The following BRINP3 variants were observed in gnomAD, a reference collection of about 807,000 sequenced individuals.
The protein encoded by BRINP3 is BMP/retinoic acid inducible neural specific 3.
A neutral mutation model predicts 71.0 loss-of-function variants in BRINP3; 19 were observed. The ratio of observed to expected loss-of-function variants is 0.27; its 90% CI spans 0.19 to 0.39. The LOEUF (loss-of-function observed/expected upper bound fraction) is 0.39, where lower values mean the gene tolerates loss of function less well. Among genes scored for constraint, BRINP3 ranks in the 10% least tolerant of loss-of-function variants. The probability of loss-of-function intolerance (pLI) is 1.00; values close to 1 mark genes in which losing one functional copy is unlikely to be tolerated. For synonymous variants in BRINP3, 380 were observed against 337.7 expected (o/e 1.13, Z -1.37); for missense variants, 959 against 940.8 (o/e 1.02, Z -0.25).
intron 7 of BRINP3, among the ~76,000 whole-genome samples, chr1:190,101,474 T>G (rs1441952468): frequency 6.6e-6 from 1 of 152,156 alleles, no homozygotes; most frequent in Non-Finnish European, 1.5e-5. Flanking sequence ...ATACTACAGA[T>G]TCATCATTTA....
At chr1:190,221,046 T>C (rs941871564) in intron 6 of BRINP3, among the ~76,000 whole-genome samples, 1 of 152,046 alleles carries the variant, frequency 6.6e-6, no homozygotes, top group Non-Finnish European at 1.5e-5. Context: ...GGTGAAACCC[T>C]GTCTCTACTA....
At chr1:190,323,581 C>G (rs1666387794) in intron 2 of BRINP3, among the ~76,000 whole-genome samples, 1 of 148,384 alleles carries the variant, frequency 6.7e-6, no homozygotes, top group South Asian at 2.1e-4. Flanking sequence ...ACCTCAGAAA[C>G]ATGCTTAAGA....
chr1:190,285,753 A>T (rs1558146360), intron 2 of BRINP3, among the ~76,000 whole-genome samples: 1 of 151,966 alleles, frequency 6.6e-6, no homozygotes. Context: ...CCTGAAGACA[A>T]GATTCACCTC....
intron 2 of BRINP3, among the ~76,000 whole-genome samples, chr1:190,309,187 A>C (rs1221414307): frequency 1.0e-5 from 1 of 100,208 alleles, no homozygotes; most frequent in Non-Finnish European, 2.2e-5. Context: ...ATAAGTCCAC[A>C]ATAAAAAAAA....
At chr1:190,294,645 T>A (rs781307557) in intron 2 of BRINP3, among the ~76,000 whole-genome samples, 22 of 152,236 alleles carry the variant, frequency 1.4e-4, no homozygotes, top group Middle Eastern at 3.4e-3. Flanking sequence ...TTTTGTTAGG[T>A]TATATTTCCT....
chr1:190,253,894 T>C (rs532478893), intron 4 of BRINP3, among the ~76,000 whole-genome samples: 3 of 152,302 alleles, frequency 2.0e-5, no homozygotes, highest in Middle Eastern at 3.4e-3. Context: ...GTTTCTATGG[T>C]TTTAGGTCTA....
At position 190,236,429 on chromosome 1, in the gene BRINP3, G is replaced by A. The variant is rs573172893; in HGVS notation, c.619-1952C>T. ...ATTTGGAAGTCATCAACTTAGAGGC[G>A]ACAATCAATGATGGATACAGACACA... On this transcript the variant is annotated intron_variant, in intron 4 of 7. Transcript: ENST00000367462. Among the ~76,000 whole-genome samples, 64 of 151,914 alleles carry A rather than the reference G, an allele frequency of 4.2e-4. 1 individual carries two copies. Among genetic ancestry groups the A allele is most frequent in the Admixed American group, 4.6e-4 (7 of 15,222 alleles).
chr1:190,417,027 C>T (rs1558267900), intron 2 of BRINP3, among the ~76,000 whole-genome samples: 1 of 152,220 alleles, frequency 6.6e-6, no homozygotes, highest in African/African-American at 2.4e-5. Flanking sequence ...ACTTCAGAAA[C>T]TAAAATTAGT....
chr1:190,238,861 A>G, intron 4 of BRINP3, among the ~76,000 whole-genome samples: 1 of 152,130 alleles, frequency 6.6e-6, no homozygotes, highest in East Asian at 1.9e-4. Flanking sequence ...ACAGAAGGAT[A>G]TTACATTAGT....
intron 2 of BRINP3, among the ~76,000 whole-genome samples, chr1:190,433,124 G>T (rs1288079545): frequency 6.6e-6 from 1 of 152,088 alleles, no homozygotes; most frequent in East Asian, 1.9e-4. Flanking sequence ...GAAGTTTTTA[G>T]TTTTGTTTTA....
intron 6 of BRINP3, among the ~76,000 whole-genome samples, chr1:190,211,255 G>A (rs955814329): frequency 1.3e-5 from 2 of 152,084 alleles, no homozygotes; most frequent in Non-Finnish European, 2.9e-5. Flanking sequence ...GACAGAGCAA[G>A]ACTCCATCTC....
intron 3 of BRINP3, among the ~76,000 whole-genome samples, chr1:190,275,893 G>T (rs1221049536): frequency 2.0e-5 from 3 of 151,114 alleles, no homozygotes; most frequent in Non-Finnish European, 4.4e-5. Context: ...ATTAAAAAAA[G>T]ATTAACAATA....
Position 190,264,916 on chromosome 1 carries a change from G to A in BRINP3, c.567C>T (p.Asp189=). ...QLAASYFIDR[D]STLRRLHHIQ... ...TGTGGTGAAGTCTCCGAAGGGTGCT[G>A]TCCCTGTCAATGAAATAAGAAGCGG... Residue 189 remains aspartate, a synonymous_variant, in exon 4 of 8, where the codon GAC becomes GAT. Coordinates refer to ENST00000367462, the MANE Select transcript of BRINP3 (RefSeq NM_199051.3). 1 of 1,613,876 alleles carries A rather than the reference G, an allele frequency of 6.2e-7. No homozygotes were observed. The highest frequency in any genetic ancestry group is 8.5e-7 in the Non-Finnish European group (1 of 1,179,936).
At chr1:190,464,148 A>T (rs12727831) in intron 1 of BRINP3, among the ~76,000 whole-genome samples, 3,041 of 140,508 alleles carry the variant, frequency 0.022, 91 homozygotes, top group African/African-American at 0.07. Flanking sequence ...TTTTTTTTTA[A>T]AAAAAAAAGT....
At chr1:190,349,726 T>C (rs1451691411) in intron 2 of BRINP3, among the ~76,000 whole-genome samples, 1 of 152,094 alleles carries the variant, frequency 6.6e-6, no homozygotes, top group East Asian at 1.9e-4. Context: ...CAACATTTTA[T>C]GGACATTCTA....
intron 7 of BRINP3, among the ~76,000 whole-genome samples, chr1:190,107,670 T>C (rs1268862055): frequency 3.3e-5 from 5 of 151,922 alleles, no homozygotes; most frequent in Non-Finnish European, 4.4e-5. Context: ...TGGAGTATGA[T>C]CTCCTAAGAA....
At chr1:190,238,490 TCAC>T (rs1297034039) in intron 4 of BRINP3, among the ~76,000 whole-genome samples, 14 of 152,094 alleles carry the variant, frequency 9.2e-5, no homozygotes, top group African/African-American at 3.4e-4. Context: ...CACTGAAAAC[TCAC>T]TTGACAAAAA....
In BRINP3 at chr1:190,193,835, T is replaced by C. The variant is rs189915459; in HGVS notation, c.961+32247A>G. Among the ~76,000 whole-genome samples, 10 of 152,184 alleles carry C rather than the reference T, an allele frequency of 6.6e-5. No homozygotes were observed. In the East Asian group the frequency reaches 1.6e-3, roughly 24 times the overall value. On this transcript the variant is annotated intron_variant, in intron 6 of 7. Coordinates refer to ENST00000367462, the MANE Select transcript of BRINP3 (RefSeq NM_199051.3). The stretch of plus-strand genomic sequence containing the variant: ...GCCAGGGAGCCATCTCTTTAAAATG[T>C]AATCGTAAAAAATATAGGGCTCCTA...
intron 2 of BRINP3, among the ~76,000 whole-genome samples, chr1:190,447,603 GCT>G (rs377608154): frequency 0.038 from 5,641 of 146,860 alleles, 164 homozygotes; most frequent in African/African-American, 0.076. Context: ...TCTCCCTATA[GCT>G]CTCTCTCTCT....
Sources: allele counts gnomAD v4.1 joint callset (sites outside exome capture counted in the v4.1 genomes callset), GRCh38; gene constraint gnomAD v4.1.1; transcripts MANE v1.5; gene names NCBI Gene and HGNC (gene_info 2026-07-23, HGNC 2026-07-21).